Variants in MYH15 observed in about 807,000 individuals in gnomAD.
The protein encoded by MYH15 is myosin heavy chain 15, also known as myosin-15.
In MYH15, 227 loss-of-function variants were observed where a neutral mutation model predicts 240.5. The observed-to-expected ratio is 0.94, with a 90% CI of 0.85 to 1.05. The LOEUF (loss-of-function observed/expected upper bound fraction) is 1.05. Among genes scored for constraint, MYH15 ranks in the 50% least tolerant of loss-of-function variants. MYH15 has a pLI of 0.00. For missense variants in MYH15, 2,217 were observed against 2,247.5 expected (o/e 0.99, Z 0.27); for synonymous variants, 785 against 796.7 (o/e 0.99, Z 0.25).
At chr3:108,537,382 C>T in the MYH15 span, among the ~76,000 whole-genome samples, 3 of 152,020 alleles carry the variant, frequency 2.0e-5, no homozygotes, top group African/African-American at 7.3e-5. Context: ...AAATATGTCC[C>T]CAAAAATTCA....
chr3:108,391,048 T>C (rs1239645318), intron 37 of MYH15, among the ~76,000 whole-genome samples: 2 of 152,212 alleles, frequency 1.3e-5, no homozygotes, highest in Non-Finnish European at 2.9e-5. Context: ...ACTGTATGAC[T>C]GTATGGAGGT....
chr3:108,389,611 C>A (rs1219943656), intron 37 of MYH15, among the ~76,000 whole-genome samples: 1 of 152,176 alleles, frequency 6.6e-6, no homozygotes, highest in African/African-American at 2.4e-5. Flanking sequence ...TACCACACCC[C>A]AGTGCTAGCA....
chr3:108,393,556 GC>G (rs2107537141), intron 36 of MYH15, among the ~76,000 whole-genome samples: 1 of 152,270 alleles, frequency 6.6e-6, no homozygotes, highest in South Asian at 2.1e-4. Flanking sequence ...AAGTACAGCA[GC>G]CCTGAAACCC....
intron 16 of MYH15, among the ~76,000 whole-genome samples, 181 bp downstream of exon 16, chr3:108,462,930 A>C (rs1361004867): frequency 1.3e-5 from 2 of 152,186 alleles, no homozygotes; most frequent in Non-Finnish European, 2.9e-5. Flanking sequence ...ATCTTAGAGC[A>C]CTAGTACCAT....
In MYH15 at chr3:108,391,787, T is replaced by C; in HGVS notation, c.5403A>G (p.Arg1801=). Reference sequence around the variant, plus strand: ...TGGATTCTAGTTTCTGGATTTGCTTTCTACTCCCCATCAGGGCCATCTGTT... The same window carrying C: ...TGGATTCTAGTTTCTGGATTTGCTTCCTACTCCCCATCAGGGCCATCTGTT... ...EAEQMALMGS[R]KQIQKLESRV... Residue 1801 remains arginine (R), a synonymous_variant, in exon 37 of 41, where the codon AGA becomes AGG. Transcript: ENST00000693548. The C allele has an allele frequency of 6.2e-7, 1 of 1,614,018 alleles. No homozygotes were observed. Among genetic ancestry groups the C allele is most frequent in the South Asian group, 1.1e-5 (1 of 91,034 alleles).
At chr3:108,395,438 G>A (rs901910893) in intron 35 of MYH15, among the ~76,000 whole-genome samples, 1 of 152,096 alleles carries the variant, frequency 6.6e-6, no homozygotes, top group Non-Finnish European at 1.5e-5. Flanking sequence ...GAGATGGGGT[G>A]GAATTAAGTT....
chr3:108,484,315 T>C (rs910518796), intron 11 of MYH15, among the ~76,000 whole-genome samples: 1 of 152,138 alleles, frequency 6.6e-6, no homozygotes, highest in Non-Finnish European at 1.5e-5. Context: ...GATAAGAGTA[T>C]AGATTTTTTT....
At position 108,408,353 on chromosome 3, in the gene MYH15, G is replaced by T. The variant is rs199782617; in HGVS notation, c.4547C>A (p.Thr1516Asn). 3.3e-5 allele frequency: 53 copies of T among 1,613,272 alleles called. No individual in the cohort carries two copies. The highest frequency in any genetic ancestry group is 5.9e-6 in the Non-Finnish European group (7 of 1,179,786). Residue 1516 changes from threonine to asparagine, a missense_variant, in exon 32 of 41, where the codon ACT becomes AAT. By Grantham distance (65) the Thr-to-Asn change is moderately conservative. Coordinates refer to ENST00000693548, the MANE Select transcript of MYH15 (RefSeq NM_014981.3). ...TAGTTTCTTGACCTTTTCCATTTCAGTTAAGTTCTTGGTCCCTTCTCTAAC... is the reference window on the plus strand; with the variant it reads ...TAGTTTCTTGACCTTTTCCATTTCATTTAAGTTCTTGGTCCCTTCTCTAAC... ...NQVREGTKNL[T>N]EMEKVKKLIE... is the part of the protein sequence containing the mutation.
At position 108,462,976 on chromosome 3, in the gene MYH15, C is replaced by T. The variant is rs971827768; in HGVS notation, c.1864+135G>A. ...AACCCCCAGCCTGAAGACAGAAAGA[C>T]TAATAAGAGGGGACGACTCAGACCA... On this transcript the variant is annotated intron_variant, in intron 16 of 40. Coordinates refer to ENST00000693548, the MANE Select transcript of MYH15 (RefSeq NM_014981.3). The T allele has an allele frequency of 3.1e-6, 3 of 968,320 alleles. No homozygotes were observed. The African/African-American group carries it at 4.9e-5, about 16-fold the overall frequency. 60.0% of individuals were successfully genotyped at this position (968,320 alleles called of 1,614,324 possible). A position where few individuals can be genotyped will look rare whatever the true frequency, so the allele number is the denominator to read the frequency against.
upstream of MYH15, among the ~76,000 whole-genome samples, chr3:108,533,289 C>T (rs559552879): frequency 1.3e-4 from 19 of 151,770 alleles, no homozygotes; most frequent in Admixed American, 8.5e-4. Context: ...GGCACAAAGG[C>T]GGGGCAATAA....
At chr3:108,392,592 A>G (rs943882559) in intron 36 of MYH15, among the ~76,000 whole-genome samples, 4 of 152,190 alleles carry the variant, frequency 2.6e-5, no homozygotes, top group African/African-American at 9.7e-5. Context: ...TCTGTCTATC[A>G]GGTTACCAAC....
chr3:108,431,725 G>T (rs1319458529), intron 25 of MYH15, among the ~76,000 whole-genome samples: 2 of 152,184 alleles, frequency 1.3e-5, no homozygotes, highest in Non-Finnish European at 2.9e-5. Flanking sequence ...GGCAGAGGTT[G>T]GAACAGTTTG....
upstream of MYH15, among the ~76,000 whole-genome samples, chr3:108,512,790 G>A (rs1229659419): frequency 1.3e-5 from 2 of 152,086 alleles, no homozygotes; most frequent in Non-Finnish European, 2.9e-5. Flanking sequence ...TCCAAGTCTG[G>A]AGCATTTAAC....
At chr3:108,394,516 T>TGG (rs1290449111) in intron 35 of MYH15, among the ~76,000 whole-genome samples, 1 of 152,180 alleles carries the variant, frequency 6.6e-6, no homozygotes, top group Non-Finnish European at 1.5e-5. Flanking sequence ...GAGCAGAAGT[T>TGG]GGGGTCAGTT....
At chr3:108,389,736 G>A (rs574698208) in intron 37 of MYH15, among the ~76,000 whole-genome samples, 1 of 152,344 alleles carries the variant, frequency 6.6e-6, no homozygotes, top group South Asian at 2.1e-4. Flanking sequence ...ATGGAGATAA[G>A]TGCCATAGAG....
chr3:108,431,571 T>C (rs909957958), intron 25 of MYH15, among the ~76,000 whole-genome samples: 2 of 152,198 alleles, frequency 1.3e-5, no homozygotes, highest in African/African-American at 4.8e-5. Context: ...GTTAAACCCT[T>C]TTTCCTGTAT....
At chr3:108,537,028 TA>T in the MYH15 span, among the ~76,000 whole-genome samples, 4 of 152,236 alleles carry the variant, frequency 2.6e-5, no homozygotes, top group African/African-American at 9.6e-5. Flanking sequence ...GGAATGTATT[TA>T]GTGCTCTCTC....
intron 1 of MYH15, among the ~76,000 whole-genome samples, chr3:108,518,524 C>T (rs534168816): frequency 3.3e-5 from 5 of 152,306 alleles, no homozygotes; most frequent in East Asian, 3.9e-4. Flanking sequence ...AAAATCATTC[C>T]GCATCCTATG....
At position 108,444,484 on chromosome 3, in the gene MYH15, G is replaced by T. The variant is rs373680139; in HGVS notation, c.2655+156C>A. ...TTAAATCACTTCACTATGAAACAGGGTATCTCTTTGTTTTCATTGTCTTTG... is the reference window on the plus strand; with the variant it reads ...TTAAATCACTTCACTATGAAACAGGTTATCTCTTTGTTTTCATTGTCTTTG... On this transcript the variant is annotated intron_variant, in intron 22 of 40. Coordinates refer to ENST00000693548, the MANE Select transcript of MYH15 (RefSeq NM_014981.3). 3.9e-5 allele frequency among the ~76,000 whole-genome samples: 6 copies of T among 152,268 alleles called. 1 individual carries two copies. In the East Asian group the frequency reaches 1.2e-3, roughly 29 times the overall value.
Sources: gnomAD v4.1 joint callset for allele counts (sites outside exome capture counted in the v4.1 genomes callset) on GRCh38, gnomAD v4.1.1 for gene constraint, MANE v1.5 for transcripts, NCBI Gene and HGNC (gene_info 2026-07-23, HGNC 2026-07-21) for gene names.